ZNF516: variants seen among roughly 807,000 people sequenced by gnomAD.
The protein encoded by ZNF516 is zinc finger protein 516.
Under a neutral mutation model 79.7 loss-of-function variants are expected in ZNF516, and 19 were observed. That is an observed-to-expected ratio of 0.24 (90% CI 0.17 to 0.35). The LOEUF is 0.35. Ranked by LOEUF, ZNF516 falls within the 10% of genes least tolerant of loss-of-function variation. ZNF516 has a pLI of 1.00. For missense variants in ZNF516, 1,678 were observed against 1,679.5 expected (o/e 1.00, Z 0.02); for synonymous variants, 877 against 739.5 (o/e 1.19, Z -3.02).
intron 1 of ZNF516, among the ~76,000 whole-genome samples, chr18:76,470,796 C>G (rs1568320229): frequency 6.6e-6 from 1 of 152,122 alleles, no homozygotes; most frequent in Admixed American, 6.5e-5. Flanking sequence ...GGGCGGATCA[C>G]CAGGTCAGGA....
intron 6 of ZNF516, among the ~76,000 whole-genome samples, chr18:76,363,591 A>C (rs1298058259): frequency 2.6e-5 from 4 of 152,200 alleles, no homozygotes; most frequent in Non-Finnish European, 4.4e-5. Context: ...GTTTATTTGA[A>C]ATGTAGGAAA....
At chr18:76,443,920 T>G (rs2145567422) in intron 2 of ZNF516, among the ~76,000 whole-genome samples, 1 of 152,278 alleles carries the variant, frequency 6.6e-6, no homozygotes, top group East Asian at 1.9e-4. Flanking sequence ...GGCCGCCACC[T>G]ACATGCCCAT....
Position 76,480,529 on chromosome 18 carries a change from A to ATATT in ZNF516, c.-272+14614_-272+14615insAATA, listed in dbSNP as rs374464151. Among the ~76,000 whole-genome samples, 690 of 142,066 alleles carry ATATT rather than the reference A, an allele frequency of 4.9e-3. 6 individuals carry two copies. Among genetic ancestry groups the ATATT allele is most frequent in the African/African-American group, 0.013 (509 of 38,130 alleles). The allele number at this position is 142,066 out of a possible 152,430, so 93.2% of individuals were successfully genotyped here. ...CACACACACACACACACACACATAT[A>ATATT]TTTTTTTTTTTGAGACGGAGTCTTG... On this transcript the variant is annotated intron_variant, in intron 1 of 6. Transcript: ENST00000443185.
chr18:76,380,065 C>T lies in ZNF516; in HGVS notation c.2049G>A (p.Glu683=). ...LKMPAFHPKQ[E]VPVPGDGVEF... Reference sequence around the variant, plus strand: ...CCACACCATCACCAGGGACGGGCACCTCCTGCTTGGGGTGAAATGCTGGCA... The same window carrying T: ...CCACACCATCACCAGGGACGGGCACTTCCTGCTTGGGGTGAAATGCTGGCA... The change falls in exon 4 of 7, where the codon GAG becomes GAA. Residue 683 remains glutamate (E), a synonymous_variant. Coordinates refer to ENST00000443185, the MANE Select transcript of ZNF516 (RefSeq NM_014643.4). 6.2e-7 allele frequency: 1 copy of T among 1,613,950 alleles called. No homozygotes were observed. The highest frequency in any genetic ancestry group is 1.3e-5 in the African/African-American group (1 of 75,008).
Position 76,442,016 on chromosome 18 carries a change from G to A in ZNF516, c.1039C>T (p.Leu347=). Residue 347 remains leucine (L), a synonymous_variant, in exon 3 of 7, where the codon CTG becomes TTG. Coordinates refer to ENST00000443185, the MANE Select transcript of ZNF516 (RefSeq NM_014643.4). ...GCATTGTGGGCGTTCAAGCTGTCCA[G>A]GTTTGTAAACAGGTTCCCGCACTTG... ...CAKCGNLFTN[L]DSLNAHNAIH... 1 of 1,613,868 alleles carries A rather than the reference G, an allele frequency of 6.2e-7. No individual in the cohort carries two copies. Among genetic ancestry groups the A allele is most frequent in the Non-Finnish European group, 8.5e-7 (1 of 1,179,880 alleles).
At chr18:76,376,888 C>T (rs956969513) in intron 4 of ZNF516, among the ~76,000 whole-genome samples, 2 of 152,160 alleles carry the variant, frequency 1.3e-5, no homozygotes, top group Non-Finnish European at 2.9e-5. Flanking sequence ...AAGGACACAG[C>T]GGGCCAGGTG....
chr18:76,494,752 T>C (rs1206575620), intron 1 of ZNF516, among the ~76,000 whole-genome samples: 1 of 151,742 alleles, frequency 6.6e-6, no homozygotes, highest in Non-Finnish European at 1.5e-5. Context: ...CTTTGTCTCC[T>C]AATGGATGGA....
chr18:76,419,971 G>C (rs1013363846), intron 3 of ZNF516, among the ~76,000 whole-genome samples: 1 of 152,248 alleles, frequency 6.6e-6, no homozygotes, highest in Non-Finnish European at 1.5e-5. Flanking sequence ...CATGTGGAGC[G>C]AGAGGCAGCC....
intron 3 of ZNF516, among the ~76,000 whole-genome samples, chr18:76,404,314 C>T (rs977234822): frequency 9.9e-5 from 15 of 151,624 alleles, no homozygotes; most frequent in African/African-American, 3.6e-4. Context: ...CACTCCAGCA[C>T]TTCGTGCATG....
At chr18:76,490,928 C>T (rs755978391) in intron 1 of ZNF516, 3 of 985,494 alleles carry the variant, frequency 3.0e-6, no homozygotes, top group East Asian at 2.3e-4. Flanking sequence ...GGCCTCTTTA[C>T]CGCGGAGACA....
intron 1 of ZNF516, chr18:76,490,685 A>G (rs189971547): frequency 3.8e-4 from 303 of 789,114 alleles, no homozygotes; most frequent in Middle Eastern, 1.3e-3. Context: ...AATTACCTTC[A>G]ATCAAGATTC....
chr18:76,426,004 A>G (rs1466820330), intron 3 of ZNF516, among the ~76,000 whole-genome samples: 3 of 152,272 alleles, frequency 2.0e-5, no homozygotes, highest in Non-Finnish European at 2.9e-5. Context: ...CATGTTGCAT[A>G]GCAAACTCAA....
chr18:76,428,763 C>G (rs939603057), intron 3 of ZNF516, among the ~76,000 whole-genome samples: 2 of 152,236 alleles, frequency 1.3e-5, no homozygotes, highest in African/African-American at 2.4e-5. Flanking sequence ...GAGGTGAGGC[C>G]GGTAAGGACA....
At chr18:76,450,724 TCTTC>T (rs1912357126) in intron 2 of ZNF516, among the ~76,000 whole-genome samples, 2 of 152,218 alleles carry the variant, frequency 1.3e-5, no homozygotes, top group South Asian at 2.1e-4. Flanking sequence ...GCAGGTTTCC[TCTTC>T]CTTATTTTCA....
intron 6 of ZNF516, among the ~76,000 whole-genome samples, chr18:76,369,684 G>A (rs983145902): frequency 6.6e-6 from 1 of 152,146 alleles, no homozygotes; most frequent in African/African-American, 2.4e-5. Context: ...TTTCAGCGCA[G>A]GGACACAAAC....
At chr18:76,425,633 G>A (rs1294319536) in intron 3 of ZNF516, among the ~76,000 whole-genome samples, 3 of 152,164 alleles carry the variant, frequency 2.0e-5, no homozygotes, top group Admixed American at 6.5e-5. Context: ...GGGCTGTTTC[G>A]ATTTTGAATT....
chr18:76,381,107 G>A (rs1048853980), intron 3 of ZNF516, among the ~76,000 whole-genome samples: 10 of 152,226 alleles, frequency 6.6e-5, no homozygotes, highest in East Asian at 1.9e-4. Flanking sequence ...GGTGGGGAGG[G>A]ATGGTGTGGT....
At chr18:76,492,304 A>G in intron 1 of ZNF516, 1 of 985,334 alleles carries the variant, frequency 1.0e-6, no homozygotes, top group East Asian at 1.1e-4. Flanking sequence ...ACACATCACT[A>G]CCGATATTCC....
chr18:76,427,812 T>C (rs1465833501), intron 3 of ZNF516, among the ~76,000 whole-genome samples: 3 of 151,978 alleles, frequency 2.0e-5, no homozygotes, highest in South Asian at 2.1e-4. Context: ...CATGGACAAG[T>C]ACATCAGGGA....
Sources: allele counts gnomAD v4.1 joint callset (sites outside exome capture counted in the v4.1 genomes callset), GRCh38; gene constraint gnomAD v4.1.1; transcripts MANE v1.5; gene names NCBI Gene and HGNC (gene_info 2026-07-23, HGNC 2026-07-21).